Variants in SKP2 observed in about 807,000 individuals in gnomAD.
SKP2 encodes the protein S-phase kinase-associated protein 2.
A neutral mutation model predicts 51.8 loss-of-function variants in SKP2; 16 were observed. The observed-to-expected ratio is 0.31, with a 90% CI of 0.21 to 0.47. The LOEUF (loss-of-function observed/expected upper bound fraction) is 0.47. Among genes scored for constraint, SKP2 ranks in the 20% least tolerant of loss-of-function variants. The pLI is 1.00. For missense variants in SKP2, 377 were observed against 505.3 expected, an observed-to-expected ratio of 0.75 and a Z score of 2.43; for synonymous variants, 176 against 198.6, an observed-to-expected ratio of 0.89 and a Z score of 0.96.
At chr5:36,163,822 T>C in intron 3 of SKP2, 66 bp downstream of exon 3, 1 of 1,107,166 alleles carries the variant, frequency 9.0e-7, no homozygotes, top group Non-Finnish European at 1.4e-6. Context: ...ATTTATTCGT[T>C]TTGGTCTGAT....
At chr5:36,170,269 C>T (rs551456232) in intron 5 of SKP2, 75 bp from the exon 6 acceptor site, 4 of 828,306 alleles carry the variant, frequency 4.8e-6, no homozygotes, top group Non-Finnish European at 8.1e-6. Context: ...CTACACTCGC[C>T]TGCTTTCATC....
intron 2 of SKP2, among the ~76,000 whole-genome samples, chr5:36,154,938 GGA>G (rs1384854728): frequency 6.6e-6 from 1 of 152,192 alleles, no homozygotes; most frequent in Non-Finnish European, 1.5e-5. Context: ...AATCATCTGT[GGA>G]AGAGGTGATC....
At chr5:36,166,450 T>A (rs1745291253) in intron 3 of SKP2, 69 bp from the exon 4 acceptor site, 9 of 1,359,846 alleles carry the variant, frequency 6.6e-6, no homozygotes, top group Non-Finnish European at 9.4e-6. Flanking sequence ...TACCTGTTAG[T>A]AATGTTGTTG....
intron 2 of SKP2, among the ~76,000 whole-genome samples, chr5:36,159,040 A>G (rs1293016784): frequency 6.6e-6 from 1 of 152,238 alleles, no homozygotes; most frequent in African/African-American, 2.4e-5. Context: ...ACATTTGGCA[A>G]ATATTTATAG....
At chr5:36,162,435 A>G (rs1437263978) in intron 2 of SKP2, among the ~76,000 whole-genome samples, 1 of 152,178 alleles carries the variant, frequency 6.6e-6, no homozygotes, top group African/African-American at 2.4e-5. Context: ...ACTTAATAAC[A>G]TCTGCTCTGA....
In SKP2 at chr5:36,170,385, C is replaced by G. The variant is rs754574758; in HGVS notation, c.713C>G (p.Ser238Cys). 1.1e-5 allele frequency: 17 copies of G among 1,613,214 alleles called. No homozygotes were observed. Among genetic ancestry groups the G allele is most frequent in the Non-Finnish European group, 1.4e-5 (17 of 1,179,574 alleles). ...KNSNLVRLNL[S>C]GCSGFSEFAL... is the part of the protein sequence containing the mutation. Reference sequence around the variant, plus strand: ...TCAAATTTAGTGCGACTTAACCTTTCTGGGTGTTCTGGATTCTCTGAATTT... The same window carrying G: ...TCAAATTTAGTGCGACTTAACCTTTGTGGGTGTTCTGGATTCTCTGAATTT... The change falls in exon 6 of 10, where the codon TCT becomes TGT. Residue 238 changes from serine to cysteine, a missense_variant. By Grantham distance (112) the Ser-to-Cys change is moderately radical. Around this residue, in one of 2 missense-constraint regions of SKP2, gnomAD observed 262 missense variants for 389.8 expected, o/e 0.67. Transcript: ENST00000274255.
rs184912164 is a variant in SKP2, at chr5:36,177,911, G to A, written c.1061+619G>A. ...CTAAATCCTAGGTCTCCTGGACAGAGGCAAAATAGTCACTATCTAATCTAA... is the reference window on the plus strand; with the variant it reads ...CTAAATCCTAGGTCTCCTGGACAGAAGCAAAATAGTCACTATCTAATCTAA... On this transcript the variant is annotated intron_variant, in intron 9 of 9. Transcript: ENST00000274255. Among the ~76,000 whole-genome samples the A allele has an allele frequency of 1.7e-3, 263 of 152,172 alleles. 1 individual carries two copies. The highest frequency in any genetic ancestry group is 6.2e-3 in the African/African-American group (257 of 41,546).
intron 9 of SKP2, 87 bp from the exon 10 acceptor site, chr5:36,181,731 A>G (rs968897125): frequency 1.4e-6 from 2 of 1,407,004 alleles, no homozygotes; most frequent in African/African-American, 2.9e-5. Context: ...TGTAGATGAC[A>G]CAAATTGTAA....
chr5:36,166,538 C>T lies in SKP2; in HGVS notation c.412C>T (p.Gln138Ter). 1 of 1,613,978 alleles carries T rather than the reference C, an allele frequency of 6.2e-7. No homozygotes were observed. The highest frequency in any genetic ancestry group is 8.5e-7 in the Non-Finnish European group (1 of 1,179,922). The change falls in exon 4 of 10, where the codon CAG becomes TAG. Residue 138 changes from glutamine to a stop codon, truncating the protein, a stop_gained. Coordinates refer to ENST00000274255, the MANE Select transcript of SKP2 (RefSeq NM_005983.4). LOFTEE classifies it high-confidence loss of function. ...TTATAGGTCTGATGAGTCTCTATGG[C>T]AGACCTTAGACCTCACAGGTAAAAA... The part of the protein sequence containing the change: ...YRLASDESLW[Q>*]TLDLTGKNLH...
At chr5:36,163,126 G>A (rs553876202) in intron 2 of SKP2, among the ~76,000 whole-genome samples, 5 of 152,304 alleles carry the variant, frequency 3.3e-5, no homozygotes, top group African/African-American at 1.2e-4. Context: ...AACCATAGCA[G>A]AAAGGGAAGA....
intron 4 of SKP2, among the ~76,000 whole-genome samples, chr5:36,167,290 C>A (rs193240063): frequency 5.9e-5 from 9 of 152,248 alleles, no homozygotes; most frequent in Admixed American, 6.5e-5. Flanking sequence ...AGTACTTTTT[C>A]CCTTCTTTCC....
chr5:36,159,460 T>A (rs1745056588), intron 2 of SKP2, among the ~76,000 whole-genome samples: 1 of 152,214 alleles, frequency 6.6e-6, no homozygotes, highest in African/African-American at 2.4e-5. Flanking sequence ...TGGTGCCCTA[T>A]CTATAGCCCC....
intron 1 of SKP2, 112 bp from the exon 2 acceptor site, chr5:36,152,657 GTT>G: frequency 1.8e-6 from 2 of 1,115,474 alleles, no homozygotes; most frequent in Non-Finnish European, 2.6e-6. Context: ...ATGCGATTCT[GTT>G]AGCTGCTGTG....
downstream of SKP2, among the ~76,000 whole-genome samples, chr5:36,185,448 T>C (rs1353174224): frequency 2.6e-5 from 4 of 152,226 alleles, no homozygotes; most frequent in African/African-American, 9.6e-5. Context: ...AAGGAAGGGA[T>C]CCAGTTTCAG....
rs1487581544 is a variant in SKP2, at chr5:36,182,684, G to A, written c.*653G>A. The A allele has an allele frequency of 8.2e-6, 8 of 976,970 alleles. No individual in the cohort carries two copies. The Admixed American group carries it at 1.8e-4, about 23-fold the overall frequency. 60.5% of individuals were successfully genotyped at this position (976,970 alleles called of 1,614,324 possible). On this transcript the variant is annotated 3_prime_UTR_variant, in exon 10 of 10. Transcript: ENST00000274255. ...TATAGAATCAATATAGGATTTGAAG[G>A]CCCAGCAGACAGTTTTCTATGACAG...
At chr5:36,188,485 A>C (rs541285837), downstream of SKP2, among the ~76,000 whole-genome samples, 4 of 152,238 alleles carry the variant, frequency 2.6e-5, no homozygotes, top group African/African-American at 7.2e-5. Context: ...TCCTTCACTT[A>C]TGAAGCTTAG....
intron 7 of SKP2, among the ~76,000 whole-genome samples, chr5:36,172,706 C>T (rs188680186): frequency 3.9e-4 from 60 of 152,214 alleles, no homozygotes; most frequent in Non-Finnish European, 5.9e-4. Flanking sequence ...GGACAGATGT[C>T]CTCTGGTAAG....
At chr5:36,177,597 A>C (rs1431120352) in intron 9 of SKP2, among the ~76,000 whole-genome samples, 4 of 151,804 alleles carry the variant, frequency 2.6e-5, no homozygotes, top group African/African-American at 9.7e-5. Flanking sequence ...AGGAAACTTG[A>C]AGTGTAATTG....
At chr5:36,175,413 G>A (rs1745600813) in intron 7 of SKP2, among the ~76,000 whole-genome samples, 1 of 152,072 alleles carries the variant, frequency 6.6e-6, no homozygotes, top group Non-Finnish European at 1.5e-5. Flanking sequence ...CCAGAATTTA[G>A]GAGAGGGGAT....
Sources: gnomAD v4.1 joint callset for allele counts (sites outside exome capture counted in the v4.1 genomes callset) on GRCh38, gnomAD v4.1.1 for gene constraint, gnomAD v4.1.1 regional missense constraint, MANE v1.5 for transcripts, NCBI Gene and HGNC (gene_info 2026-07-23, HGNC 2026-07-21) for gene names.